NOP9: variants seen among roughly 807,000 people sequenced by gnomAD.
The protein encoded by NOP9 is nucleolar protein 9.
Under a neutral mutation model 63.0 loss-of-function variants are expected in NOP9, and 50 were observed. That is an observed-to-expected ratio of 0.79 (90% confidence interval 0.63 to 1.00). The LOEUF (loss-of-function observed/expected upper bound fraction) is 1.00, where lower values mean the gene tolerates loss of function less well. Ranked by LOEUF, NOP9 falls within the 50% of genes least tolerant of loss-of-function variation. NOP9 has a pLI of 0.00. For synonymous variants in NOP9, 343 were observed against 332.8 expected, an observed-to-expected ratio of 1.03 and a Z score of -0.33; for missense variants, 758 against 803.0, an observed-to-expected ratio of 0.94 and a Z score of 0.68.
chr14:24,286,834 C>T, the NOP9 span, among the ~76,000 whole-genome samples: 9 of 151,766 alleles, frequency 5.9e-5, no homozygotes, highest in Non-Finnish European at 1.2e-4. Context: ...CCTCGTGATC[C>T]GCCCGTCTCG....
At position 24,304,494 on chromosome 14, in the gene NOP9, G is replaced by A. The variant is rs545197818; in HGVS notation, c.1649G>A (p.Gly550Glu). The A allele has an allele frequency of 3.1e-6, 5 of 1,606,618 alleles. No individual in the cohort carries two copies. The highest frequency in any genetic ancestry group is 2.2e-5 in the South Asian group (2 of 89,790). The change falls in exon 9 of 10, where the codon GGA becomes GAA. Residue 550 changes from glycine (G) to glutamate (E), a missense_variant and splice_region_variant. By Grantham distance (98) the Gly-to-Glu change is moderately conservative. Coordinates refer to ENST00000267425, the MANE Select transcript of NOP9 (RefSeq NM_174913.3). Reference protein sequence around the residue: ...LRRRVLQNLKGQYVALACSRH... With the variant: ...LRRRVLQNLKEQYVALACSRH... ...CCTACTTTGCTTGTCTCCATACAGGGACAATATGTGGCTCTGGCCTGTAGT... is the reference window on the plus strand; with the variant it reads ...CCTACTTTGCTTGTCTCCATACAGGAACAATATGTGGCTCTGGCCTGTAGT...
the NOP9 span, among the ~76,000 whole-genome samples, chr14:24,283,186 C>T: frequency 6.6e-6 from 1 of 152,246 alleles, no homozygotes; most frequent in Non-Finnish European, 1.5e-5. Flanking sequence ...CCAGCCAACA[C>T]CTGATGATAG....
the NOP9 span, among the ~76,000 whole-genome samples, chr14:24,277,702 T>C: frequency 4.6e-5 from 7 of 152,218 alleles, no homozygotes; most frequent in Non-Finnish European, 8.8e-5. Context: ...TCTTGCTGGC[T>C]TTCCCTCCAG....
chr14:24,278,475 C>T, the NOP9 span, among the ~76,000 whole-genome samples: 1 of 152,166 alleles, frequency 6.6e-6, no homozygotes, highest in Non-Finnish European at 1.5e-5. Flanking sequence ...CTCTCATAAT[C>T]GAAGGTCACT....
chr14:24,272,246 G>C, the NOP9 span, among the ~76,000 whole-genome samples: 1 of 152,142 alleles, frequency 6.6e-6, no homozygotes, highest in African/African-American at 2.4e-5. Context: ...TATATCTCCA[G>C]CCCAGATGTC....
At chr14:24,299,817 G>A (rs983811326), upstream of NOP9, 6 of 1,150,378 alleles carry the variant, frequency 5.2e-6, no homozygotes, top group Admixed American at 6.0e-5. Context: ...GGGGCGGCGC[G>A]GAACTATGAC....
the NOP9 span, among the ~76,000 whole-genome samples, chr14:24,281,056 C>T: frequency 1.4e-4 from 21 of 152,282 alleles, no homozygotes; most frequent in South Asian, 4.3e-3. Context: ...CCTGTGGGCC[C>T]AATCATGACT....
chr14:24,299,226 A>G, upstream of NOP9: 1 of 1,189,892 alleles, frequency 8.4e-7, no homozygotes, highest in Non-Finnish European at 1.1e-6. Context: ...TAGGGCTAAG[A>G]GGAGGAGCCA....
chr14:24,279,128 G>A, the NOP9 span, among the ~76,000 whole-genome samples: 4 of 152,170 alleles, frequency 2.6e-5, no homozygotes, highest in African/African-American at 4.8e-5. Flanking sequence ...AGGCATTCAA[G>A]CATATGTTGG....
chr14:24,280,691 G>T, the NOP9 span, among the ~76,000 whole-genome samples: 1 of 152,240 alleles, frequency 6.6e-6, no homozygotes, highest in African/African-American at 2.4e-5. Flanking sequence ...TATAGTTGGG[G>T]AGACAGTCCC....
chr14:24,304,961 A>G lies in NOP9; in HGVS notation c.1777A>G (p.Arg593Gly). ...AGGGGAGCAGAACCAGGAGCTGATA[A>G]GAGACCCTTTCGGCCACCATGTGGC... ...ELGEQNQELI[R>G]DPFGHHVARN... Residue 593 changes from arginine to glycine, a missense_variant, in exon 10 of 10, where the codon AGA becomes GGA. Arg to Gly is a moderately radical substitution (Grantham distance 125, BLOSUM62 -2). Coordinates refer to ENST00000267425, the MANE Select transcript of NOP9 (RefSeq NM_174913.3). The G allele has an allele frequency of 6.4e-7, 1 of 1,570,856 alleles. No individual in the cohort carries two copies. Among genetic ancestry groups the G allele is most frequent in the Non-Finnish European group, 8.6e-7 (1 of 1,160,630 alleles).
the NOP9 span, among the ~76,000 whole-genome samples, chr14:24,282,591 C>T: frequency 7.9e-4 from 120 of 152,276 alleles, 1 homozygote; most frequent in African/African-American, 2.7e-3. Flanking sequence ...TGGCTTTGCG[C>T]GTTTCTTCTG....
At chr14:24,288,697 T>C in the NOP9 span, among the ~76,000 whole-genome samples, 1 of 152,176 alleles carries the variant, frequency 6.6e-6, no homozygotes, top group African/African-American at 2.4e-5. Flanking sequence ...TGTATATATA[T>C]TATTTCATTT....
chr14:24,271,253 G>A, the NOP9 span: 3 of 1,168,466 alleles, frequency 2.6e-6, no homozygotes, highest in Non-Finnish European at 3.5e-6. Flanking sequence ...GCGTGCCTGG[G>A]CAGAGACCCC....
the NOP9 span, among the ~76,000 whole-genome samples, chr14:24,281,617 G>T: frequency 6.6e-6 from 1 of 152,184 alleles, no homozygotes; most frequent in Non-Finnish European, 1.5e-5. Context: ...CCTGGAAGCG[G>T]GCAAAGCAAG....
chr14:24,306,420 G>A lies in NOP9; in HGVS notation c.*1325G>A, dbSNP rs148872765. 1,685 of 1,614,218 alleles carry A rather than the reference G, an allele frequency of 1.0e-3. 16 individuals are homozygous for A. In the South Asian group the frequency reaches 0.011, roughly 11 times the overall value. ...ACCAGACTGCAACACCATCAGGCACGTGTCATCCTCCAGCAGCTGGAAGAA... is the reference window on the plus strand; with the variant it reads ...ACCAGACTGCAACACCATCAGGCACATGTCATCCTCCAGCAGCTGGAAGAA... On this transcript the variant is annotated 3_prime_UTR_variant, in exon 10 of 10. Coordinates refer to ENST00000267425, the MANE Select transcript of NOP9 (RefSeq NM_174913.3).
In NOP9 at chr14:24,303,857, G is replaced by C; in HGVS notation, c.1410G>C (p.Gln470His). The change falls in exon 7 of 10, where the codon CAG becomes CAC. Residue 470 changes from glutamine to histidine, a missense_variant and splice_region_variant. Gln to His is a conservative substitution (Grantham distance 24). Coordinates refer to ENST00000267425, the MANE Select transcript of NOP9 (RefSeq NM_174913.3). The part of the protein sequence containing the change: ...EEEGAVPAEH[Q>H]VAMAAARALG... ...AGGGGGCAGTGCCTGCAGAGCACCA[G>C]GTGAGGTAGGGGAGAGGCCAAGCCA... 3 of 1,613,952 alleles carry C rather than the reference G, an allele frequency of 1.9e-6. No individual in the cohort carries two copies. The highest frequency in any genetic ancestry group is 4.5e-5 in the East Asian group (2 of 44,866).
chr14:24,300,467 A>G lies in NOP9; in HGVS notation c.307A>G (p.Asn103Asp). ...VETQALALSTNRTGSEMLQEL... is the reference protein window; with the variant it reads ...VETQALALSTDRTGSEMLQEL... ...GACTCAGGCCCTAGCTTTGTCCACG[A>G]ACAGGACTGGCAGTGAGATGCTGCA... Residue 103 changes from asparagine (N) to aspartate (D), a missense_variant, in exon 2 of 10, where the codon AAC becomes GAC. By Grantham distance (23) the Asn-to-Asp change is conservative (BLOSUM62 1). Coordinates refer to ENST00000267425, the MANE Select transcript of NOP9 (RefSeq NM_174913.3). The G allele has an allele frequency of 6.2e-7, 1 of 1,614,228 alleles. No individual in the cohort carries two copies. The highest frequency in any genetic ancestry group is 1.6e-4 in the Middle Eastern group (1 of 6,062).
rs2041386087 is a variant in NOP9, at chr14:24,301,994, T to C, written c.838T>C (p.Cys280Arg). 1 of 1,613,970 alleles carries C rather than the reference T, an allele frequency of 6.2e-7. No homozygotes were observed. The highest frequency in any genetic ancestry group is 1.3e-5 in the African/African-American group (1 of 74,924). ...TATCACTGATAAGATCTCCAGCTTCTGTCTTCAAGTGGCTTTACAGGTTTT... is the reference window on the plus strand; with the variant it reads ...TATCACTGATAAGATCTCCAGCTTCCGTCTTCAAGTGGCTTTACAGGTTTT... ...VFITDKISSFCLQVALQVLHR... is the reference protein window; with the variant it reads ...VFITDKISSFRLQVALQVLHR... Residue 280 changes from cysteine to arginine, a missense_variant, in exon 4 of 10, where the codon TGT becomes CGT. Cys to Arg is a radical substitution (Grantham distance 180). Transcript: ENST00000267425.
Sources: gnomAD v4.1 joint callset for allele counts (sites outside exome capture counted in the v4.1 genomes callset) on GRCh38, gnomAD v4.1.1 for gene constraint, MANE v1.5 for transcripts, NCBI Gene and HGNC (gene_info 2026-07-23, HGNC 2026-07-21) for gene names.